Variants in MILR1 observed in about 807,000 individuals in gnomAD.
MILR1 encodes the protein mast cell immunoglobulin like receptor 1, also known as allergin-1.
In MILR1, 31 loss-of-function variants were observed where a neutral mutation model predicts 18.5. The ratio of observed to expected loss-of-function variants is 1.68; its 90% CI spans 1.26 to 2.26. MILR1 has a LOEUF of 2.26. MILR1 is among the 30% of genes most tolerant of loss of function. The pLI is 0.00. For synonymous variants in MILR1, 85 were observed against 56.2 expected (o/e 1.51, Z -2.30); for missense variants, 257 against 157.4 (o/e 1.63, Z -3.38).
At chr17:64,480,488 T>G in the MILR1 span, 2 of 579,172 alleles carry the variant, frequency 3.5e-6, no homozygotes, top group Non-Finnish European at 3.3e-6. Flanking sequence ...CTTCAATCTC[T>G]AAAATGGGTA....
chr17:64,453,241 G>A (rs2037214807), intron 3 of MILR1, among the ~76,000 whole-genome samples: 1 of 151,314 alleles, frequency 6.6e-6, no homozygotes, highest in Admixed American at 6.6e-5. Flanking sequence ...GCTAATTTTT[G>A]TATTTTTACT....
At chr17:64,491,477 T>C in the MILR1 span, 12 of 1,238,452 alleles carry the variant, frequency 9.7e-6, no homozygotes, top group East Asian at 2.6e-4. Flanking sequence ...GCAACGGCAG[T>C]CCAGCCCGGG....
intron 2 of MILR1, among the ~76,000 whole-genome samples, chr17:64,451,687 A>T (rs2037173475): frequency 6.6e-6 from 1 of 152,030 alleles, no homozygotes; most frequent in Non-Finnish European, 1.5e-5. Context: ...TAATCCCGGC[A>T]CTTTGGGAGG....
At chr17:64,497,052 G>A in the MILR1 span, 1 of 1,387,046 alleles carries the variant, frequency 7.2e-7, no homozygotes, top group South Asian at 1.2e-5. Context: ...AATCCGGAGA[G>A]GCCACGGCGC....
chr17:64,467,803 T>TG (rs781843484), intron 9 of MILR1, 158 bp downstream of exon 9: 7 of 454,668 alleles, frequency 1.5e-5, no homozygotes, highest in Non-Finnish European at 2.8e-5. Flanking sequence ...GGTGTGGTGG[T>TG]GTGTGTGTGT....
At chr17:64,461,273 G>A (rs997953081) in intron 5 of MILR1, among the ~76,000 whole-genome samples, 40 of 152,030 alleles carry the variant, frequency 2.6e-4, no homozygotes, top group Non-Finnish European at 5.4e-4. Flanking sequence ...TTGAGACAGA[G>A]TTTTGCTCTT....
At chr17:64,493,395 C>A in the MILR1 span, among the ~76,000 whole-genome samples, 2 of 151,756 alleles carry the variant, frequency 1.3e-5, no homozygotes, top group East Asian at 1.9e-4. Context: ...CCAGCCTGGG[C>A]AACAGAGTGA....
chr17:64,485,259 T>C, the MILR1 span: 2 of 169,066 alleles, frequency 1.2e-5, no homozygotes, highest in African/African-American at 4.8e-5. Flanking sequence ...TCCAAGTGCA[T>C]GTTCATGCAC....
rs1555663337 is a variant in MILR1 at position 64,466,638 on chromosome 17, C to T, written c.955C>T (p.Gln319Ter). 1.2e-6 allele frequency: 2 copies of T among 1,609,488 alleles called. No homozygotes were observed. The highest frequency in any genetic ancestry group is 2.2e-5 in the East Asian group (1 of 44,740). Residue 319 changes from glutamine (Q) to a stop codon, truncating the protein, a stop_gained, in exon 8 of 10, where the codon CAG becomes TAG. Transcript: ENST00000619286. LOFTEE classifies it high-confidence loss of function. ...QELQYATPVF[Q>*]EVAPREQEAC... The stretch of plus-strand genomic sequence containing the variant: ...GCTACAGTATGCCACCCCCGTGTTC[C>T]AGGAGGTGGCACCAAGAGAGCAAGG...
the MILR1 span, among the ~76,000 whole-genome samples, chr17:64,486,379 C>G: frequency 0.011 from 1,677 of 146,618 alleles, 26 homozygotes; most frequent in Non-Finnish European, 0.019. Context: ...TTTTTTAATA[C>G]AGACAGAGTC....
chr17:64,472,551 T>TCATGGAC (rs1222945438), downstream of MILR1, among the ~76,000 whole-genome samples: 1 of 148,314 alleles, frequency 6.7e-6, no homozygotes, highest in Non-Finnish European at 1.5e-5. Context: ...TTTCAGTCAT[T>TCATGGAC]CATGGACCAA....
the MILR1 span, among the ~76,000 whole-genome samples, chr17:64,476,506 C>A: frequency 2.0e-5 from 3 of 151,566 alleles, no homozygotes; most frequent in Non-Finnish European, 2.9e-5. Flanking sequence ...ATAGTGAGAC[C>A]CTGTCTCTTA....
chr17:64,476,641 G>A, the MILR1 span, among the ~76,000 whole-genome samples: 1 of 152,012 alleles, frequency 6.6e-6, no homozygotes. Context: ...CATAGAATTA[G>A]TACAATTATA....
the MILR1 span, among the ~76,000 whole-genome samples, chr17:64,497,223 ACT>A: frequency 6.6e-6 from 1 of 152,112 alleles, no homozygotes; most frequent in African/African-American, 2.4e-5. Context: ...CTTCAGATTG[ACT>A]TTTTTCTTTC....
chr17:64,486,379 C>CTTTTTTTTTTTTTTTTTTTTTTTTTTTTG, the MILR1 span, among the ~76,000 whole-genome samples: 1 of 146,678 alleles, frequency 6.8e-6, no homozygotes, highest in Non-Finnish European at 1.5e-5. Flanking sequence ...TTTTTTAATA[C>CTTTTTTTTTTTTTTTTTTTTTTTTTTTTG]AGACAGAGTC....
the MILR1 span, among the ~76,000 whole-genome samples, chr17:64,497,248 A>G: frequency 1.3e-5 from 2 of 152,224 alleles, no homozygotes; most frequent in Non-Finnish European, 1.5e-5. Flanking sequence ...CGTAAGCACC[A>G]GTAAAGGTTA....
At chr17:64,485,260 G>T in the MILR1 span, 1 of 170,172 alleles carries the variant, frequency 5.9e-6, no homozygotes, top group Non-Finnish European at 1.3e-5. Flanking sequence ...CCAAGTGCAT[G>T]TTCATGCACT....
chr17:64,454,884 C>T (rs2037256231), intron 3 of MILR1, among the ~76,000 whole-genome samples: 1 of 152,066 alleles, frequency 6.6e-6, no homozygotes, highest in Non-Finnish European at 1.5e-5. Flanking sequence ...GCCTATAGTG[C>T]CAACTACTCA....
At position 64,460,925 on chromosome 17, in the gene MILR1, C is replaced by A. The variant is rs2037417201; in HGVS notation, c.756C>A (p.Tyr252Ter). ...LILAFWVLPK[Y>*]KTRKAMRNNV... ...TGGCTTTTTGGGTACTGCCCAAATA[C>A]AAAACAAGTAAGTTCTTTTAGTCGC... Residue 252 changes from tyrosine to a stop codon, truncating the protein, a stop_gained, in exon 5 of 10, where the codon TAC becomes TAA. Transcript: ENST00000619286. LOFTEE classifies it high-confidence loss of function. 1 of 474,574 alleles carries A rather than the reference C, an allele frequency of 2.1e-6. No individual in the cohort carries two copies. The highest frequency in any genetic ancestry group is 3.9e-6 in the Non-Finnish European group (1 of 258,656). The allele number at this position is 474,574 out of a possible 1,614,324, so 29.4% of individuals were successfully genotyped here.
Sources: allele counts gnomAD v4.1 joint callset (sites outside exome capture counted in the v4.1 genomes callset), GRCh38; gene constraint gnomAD v4.1.1; transcripts MANE v1.5; gene names NCBI Gene and HGNC (gene_info 2026-07-23, HGNC 2026-07-21).